Variants in PTPRN2 observed in about 807,000 individuals in gnomAD.
PTPRN2 encodes the protein receptor-type tyrosine-protein phosphatase N2.
Under a neutral mutation model 118.8 loss-of-function variants are expected in PTPRN2, and 74 were observed. The ratio of observed to expected loss-of-function variants is 0.62; its 90% CI spans 0.52 to 0.76. The LOEUF (loss-of-function observed/expected upper bound fraction) is 0.76, where lower values mean the gene tolerates loss of function less well. Ranked by LOEUF, PTPRN2 falls within the 30% of genes least tolerant of loss-of-function variation. The pLI is 0.00. For synonymous variants in PTPRN2, 641 were observed against 608.0 expected, an observed-to-expected ratio of 1.05 and a Z score of -0.80; for missense variants, 1,481 against 1,394.4, an observed-to-expected ratio of 1.06 and a Z score of -0.99.
At chr7:157,992,890 AG>A in intron 11 of PTPRN2, among the ~76,000 whole-genome samples, 1 of 152,386 alleles carries the variant, frequency 6.6e-6, no homozygotes. Flanking sequence ...TTGCCCACGC[AG>A]GCCCCTTGAA....
At position 157,800,970 on chromosome 7, in the gene PTPRN2, CAT is replaced by C. The variant is rs544277905; in HGVS notation, c.1788+97701_1788+97702del. 3.8e-3 allele frequency among the ~76,000 whole-genome samples: 570 copies of C among 149,280 alleles called. 3 individuals carry two copies. The highest frequency in any genetic ancestry group is 6.0e-3 in the Non-Finnish European group (406 of 67,348). On this transcript the variant is annotated intron_variant, in intron 12 of 22. Coordinates refer to ENST00000389418, the MANE Select transcript of PTPRN2 (RefSeq NM_002847.5). ...CCGTTTCAAAAAAAATATATATATA[CAT>C]ATATATATATACACACACATATATA...
chr7:157,925,542 C>T (rs1798931716), intron 11 of PTPRN2, among the ~76,000 whole-genome samples: 1 of 152,184 alleles, frequency 6.6e-6, no homozygotes, highest in South Asian at 2.1e-4. Context: ...CCTCCAGCTT[C>T]CTTTGGCTGC....
intron 11 of PTPRN2, among the ~76,000 whole-genome samples, chr7:157,997,217 G>A (rs549715069): frequency 3.9e-4 from 59 of 152,340 alleles, no homozygotes; most frequent in African/African-American, 1.3e-3. Context: ...GCTGCCTGGC[G>A]GCTCCATTTG....
At chr7:158,307,836 CATGAATTA>C (rs1801409883) in intron 3 of PTPRN2, among the ~76,000 whole-genome samples, 1 of 152,110 alleles carries the variant, frequency 6.6e-6, no homozygotes, top group Non-Finnish European at 1.5e-5. Context: ...TTAATCCACT[CATGAATTA>C]ATGAATTAAT....
chr7:157,832,509 C>A (rs138344816), intron 12 of PTPRN2, among the ~76,000 whole-genome samples: 1 of 152,200 alleles, frequency 6.6e-6, no homozygotes, highest in Non-Finnish European at 1.5e-5. Flanking sequence ...GTTTCACCCA[C>A]GCTTTGCCTG....
chr7:157,873,856 G>A (rs1046727091), intron 12 of PTPRN2, among the ~76,000 whole-genome samples: 17 of 152,248 alleles, frequency 1.1e-4, no homozygotes, highest in South Asian at 4.1e-4. Context: ...GGTGGAAAGC[G>A]GAGGAGGAGG....
chr7:157,936,403 A>C (rs1799700628), intron 11 of PTPRN2, among the ~76,000 whole-genome samples: 1 of 151,530 alleles, frequency 6.6e-6, no homozygotes, highest in African/African-American at 2.4e-5. Context: ...TGTGTCCCTC[A>C]CTCCACCAGG....
chr7:158,584,720 T>G (rs746764942), intron 1 of PTPRN2, among the ~76,000 whole-genome samples: 1 of 152,186 alleles, frequency 6.6e-6, no homozygotes, highest in African/African-American at 2.4e-5. Flanking sequence ...CAACAGCTGT[T>G]CTGGAAATAA....
intron 12 of PTPRN2, among the ~76,000 whole-genome samples, chr7:157,695,617 T>C (rs1490046507): frequency 2.6e-5 from 4 of 152,218 alleles, no homozygotes; most frequent in Non-Finnish European, 5.9e-5. Flanking sequence ...TAGTAAAGCA[T>C]AGTAGTTGGC....
chr7:157,883,523 GA>G (rs1246237472), intron 12 of PTPRN2, among the ~76,000 whole-genome samples: 15 of 144,600 alleles, frequency 1.0e-4, no homozygotes, highest in Admixed American at 8.4e-4. Context: ...GACTGTTGGA[GA>G]TCAGAACACG....
chr7:158,452,947 T>C (rs187905750), intron 2 of PTPRN2, among the ~76,000 whole-genome samples: 1 of 152,338 alleles, frequency 6.6e-6, no homozygotes, highest in Non-Finnish European at 1.5e-5. Context: ...TCAACGCTGG[T>C]ACAGCTGCAA....
chr7:158,023,067 A>G (rs1184786342), intron 11 of PTPRN2, among the ~76,000 whole-genome samples: 1 of 152,246 alleles, frequency 6.6e-6, no homozygotes, highest in Non-Finnish European at 1.5e-5. Flanking sequence ...ACAAAGCAGA[A>G]CGGTGGCTGT....
chr7:157,556,975 GCACA>G (rs199666546), intron 21 of PTPRN2, among the ~76,000 whole-genome samples: 1,879 of 147,980 alleles, frequency 0.013, 33 homozygotes, highest in African/African-American at 0.043. Flanking sequence ...GCACACACAT[GCACA>G]CACAATGTCA....
chr7:157,917,796 G>A (rs1317484457), intron 11 of PTPRN2, among the ~76,000 whole-genome samples: 1 of 152,094 alleles, frequency 6.6e-6, no homozygotes, highest in Non-Finnish European at 1.5e-5. Flanking sequence ...CAGGTCCTGC[G>A]TGGCGACGAG....
chr7:158,256,581 C>CG (rs989545341), intron 3 of PTPRN2, among the ~76,000 whole-genome samples: 18 of 150,202 alleles, frequency 1.2e-4, no homozygotes, highest in East Asian at 4.0e-4. Context: ...CTGGCGGGGG[C>CG]GGGGGGGAAC....
intron 2 of PTPRN2, among the ~76,000 whole-genome samples, chr7:158,318,650 C>A (rs947497048): frequency 6.6e-6 from 1 of 152,234 alleles, no homozygotes; most frequent in Middle Eastern, 3.2e-3. Flanking sequence ...GAGCTGCACT[C>A]CCCACCCTCA....
Position 158,174,412 on chromosome 7 carries a change from CCCA to C in PTPRN2, c.550-7124_550-7122del, listed in dbSNP as rs1343734365. ...CATCTTCACCATCCACAGCAGCATCCCCACCATTATCACTTCCACCATCAACAT... is the reference window on the plus strand; with the variant it reads ...CATCTTCACCATCCACAGCAGCATCCCCATTATCACTTCCACCATCAACAT... On this transcript the variant is annotated intron_variant, in intron 5 of 22. Coordinates refer to ENST00000389418, the MANE Select transcript of PTPRN2 (RefSeq NM_002847.5). 1.3e-4 allele frequency among the ~76,000 whole-genome samples: 19 copies of C among 151,840 alleles called. No homozygotes were observed. The East Asian group carries it at 2.7e-3, about 22-fold the overall frequency.
chr7:158,020,298 C>T (rs1806777959), intron 11 of PTPRN2, among the ~76,000 whole-genome samples: 1 of 152,248 alleles, frequency 6.6e-6, no homozygotes, highest in African/African-American at 2.4e-5. Context: ...TGGCCTTGTG[C>T]AGCCATCTGG....
chr7:157,659,285 T>C (rs1287979403), intron 13 of PTPRN2, among the ~76,000 whole-genome samples: 1 of 105,146 alleles, frequency 9.5e-6, no homozygotes, highest in Non-Finnish European at 1.9e-5. Context: ...CCGCGGGGAC[T>C]GGGAGGATGA....
Sources: gnomAD v4.1 joint callset for allele counts (sites outside exome capture counted in the v4.1 genomes callset) on GRCh38, gnomAD v4.1.1 for gene constraint, MANE v1.5 for transcripts, NCBI Gene and HGNC (gene_info 2026-07-23, HGNC 2026-07-21) for gene names.